CCDC13: variants seen among roughly 807,000 people sequenced by gnomAD.
The protein encoded by CCDC13 is coiled-coil domain containing 13, also known as coiled-coil domain-containing protein 13.
Under a neutral mutation model 87.3 loss-of-function variants are expected in CCDC13, and 70 were observed. That is an observed-to-expected ratio of 0.80 (90% CI 0.66 to 0.98). The LOEUF (loss-of-function observed/expected upper bound fraction) is 0.98, where lower values mean the gene tolerates loss of function less well. CCDC13 is among the 50% of genes least tolerant of loss of function. CCDC13 has a pLI of 0.00. For missense variants in CCDC13, 842 were observed against 892.0 expected, an observed-to-expected ratio of 0.94 and a Z score of 0.71; for synonymous variants, 317 against 360.3, an observed-to-expected ratio of 0.88 and a Z score of 1.36.
intron 1 of CCDC13, among the ~76,000 whole-genome samples, chr3:42,770,417 G>A (rs1352148585): frequency 6.6e-6 from 1 of 152,176 alleles, no homozygotes; most frequent in Non-Finnish European, 1.5e-5. Flanking sequence ...TTGATCTAGT[G>A]GGGAAGTGGA....
In CCDC13 at chr3:42,758,135, A is replaced by T. The variant is rs1244913492; in HGVS notation, c.211T>A (p.Phe71Ile). ...CAAACTTGCATTTACCTCTTCTCAA[A>T]GCTATTTTTCGAGTTTGGCTCCCCT... ...HAGEPNSKNS[F>I]EKRVLEDEIE... Residue 71 changes from phenylalanine to isoleucine, a missense_variant, in exon 2 of 16, where the codon TTT (phenylalanine) becomes ATT (isoleucine). Transcript: ENST00000310232. 1.6e-5 allele frequency: 26 copies of T among 1,613,568 alleles called. No individual in the cohort carries two copies. The highest frequency in any genetic ancestry group is 4.0e-5 in the African/African-American group (3 of 74,834).
intron 1 of CCDC13, among the ~76,000 whole-genome samples, chr3:42,761,770 T>C (rs1187973096): frequency 6.6e-6 from 1 of 152,182 alleles, no homozygotes; most frequent in Admixed American, 6.5e-5. Flanking sequence ...TAGCCTGTTT[T>C]CCCTTTCATA....
chr3:42,717,450 G>A (rs1343088222), intron 13 of CCDC13, among the ~76,000 whole-genome samples: 1 of 149,792 alleles, frequency 6.7e-6, no homozygotes, highest in East Asian at 1.9e-4. Context: ...AAGTAAAGAG[G>A]TTACTAGATG....
chr3:42,747,299 G>T lies in CCDC13; in HGVS notation c.678C>A (p.Asn226Lys). Residue 226 changes from asparagine (N) to lysine (K), a missense_variant, in exon 6 of 16, where the codon AAC (asparagine) becomes AAA (lysine). By Grantham distance (94) the Asn-to-Lys change is moderately conservative. Transcript: ENST00000310232. ...GCTCCTGCTTCACAGACTGGATCTG[G>T]TTTCGGAGGTCACTCATCTTCAAGT... ...ATNLKMSDLR[N>K]QIQSVKQELR... 1 of 1,614,136 alleles carries T rather than the reference G, an allele frequency of 6.2e-7. No homozygotes were observed. Among genetic ancestry groups the T allele is most frequent in the Non-Finnish European group, 8.5e-7 (1 of 1,180,020 alleles).
chr3:42,768,940 C>A (rs1185537646), intron 1 of CCDC13, among the ~76,000 whole-genome samples: 1 of 152,068 alleles, frequency 6.6e-6, no homozygotes, highest in African/African-American at 2.4e-5. Context: ...GAGTTCCAGA[C>A]CAGTCTGGCC....
chr3:42,736,098 G>C (rs771765840), intron 9 of CCDC13, among the ~76,000 whole-genome samples, 185 bp from the exon 10 acceptor site: 9 of 152,244 alleles, frequency 5.9e-5, no homozygotes, highest in Non-Finnish European at 1.0e-4. Flanking sequence ...AGGCAGGTGG[G>C]GACCATGTTC....
At chr3:42,748,779 G>A (rs927668753) in intron 5 of CCDC13, among the ~76,000 whole-genome samples, 3 of 152,268 alleles carry the variant, frequency 2.0e-5, no homozygotes, top group Middle Eastern at 3.4e-3. Flanking sequence ...AACAGCCAAC[G>A]TGAACAGAAT....
chr3:42,756,183 T>G (rs2125908135), intron 3 of CCDC13, among the ~76,000 whole-genome samples: 1 of 152,368 alleles, frequency 6.6e-6, no homozygotes, highest in East Asian at 1.9e-4. Flanking sequence ...GAGTCAGCCC[T>G]GTTGCTCTCC....
intron 5 of CCDC13, 100 bp downstream of exon 5, chr3:42,751,836 G>C (rs1287280541): frequency 1.9e-6 from 2 of 1,054,398 alleles, no homozygotes; most frequent in Non-Finnish European, 1.4e-6. Context: ...TGGGGGTTGG[G>C]GGTGGACCTC....
At chr3:42,744,856 T>C (rs1163582162) in intron 7 of CCDC13, 1 of 121,132 alleles carries the variant, frequency 8.3e-6, no homozygotes, top group Non-Finnish European at 1.8e-5. Context: ...TTAATGACAA[T>C]AAGAAGTAAG....
At chr3:42,732,807 C>T in intron 12 of CCDC13, 80 bp downstream of exon 12, 1 of 1,300,972 alleles carries the variant, frequency 7.7e-7, no homozygotes, top group Non-Finnish European at 1.1e-6. Flanking sequence ...GTTTCCCCTC[C>T]TTTTAATGGG....
chr3:42,748,414 C>T (rs1005987353), intron 5 of CCDC13, among the ~76,000 whole-genome samples: 4 of 152,356 alleles, frequency 2.6e-5, no homozygotes, highest in Non-Finnish European at 5.9e-5. Flanking sequence ...TCAGGCTGAG[C>T]ATCCCATCAG....
At chr3:42,720,128 A>G (rs114409604) in intron 13 of CCDC13, among the ~76,000 whole-genome samples, 2,572 of 152,304 alleles carry the variant, frequency 0.017, 87 homozygotes, top group African/African-American at 0.058. Context: ...ATTCTACATA[A>G]GGCCTGGGGA....
Position 42,758,210 on chromosome 3 carries a change from C to T in CCDC13, c.136G>A (p.Asp46Asn), listed in dbSNP as rs369416304. ...KELSLKSRAD[D>N]QEEPLEVSDG... Reference sequence around the variant, plus strand: ...GAAACCTCCAAGGGCTCCTCTTGGTCGTCAGCTCTGCTTTTGAGGCTCAGT... The same window carrying T: ...GAAACCTCCAAGGGCTCCTCTTGGTTGTCAGCTCTGCTTTTGAGGCTCAGT... Residue 46 changes from aspartate to asparagine, a missense_variant, in exon 2 of 16, where the codon GAC becomes AAC. Asp to Asn is a conservative substitution (Grantham distance 23). Coordinates refer to ENST00000310232, the MANE Select transcript of CCDC13 (RefSeq NM_144719.4). The T allele has an allele frequency of 5.1e-5, 83 of 1,613,974 alleles. No homozygotes were observed. In the Admixed American group the frequency reaches 5.3e-4, roughly 10 times the overall value.
chr3:42,744,122 T>G (rs1324342203), intron 7 of CCDC13, among the ~76,000 whole-genome samples: 1 of 152,164 alleles, frequency 6.6e-6, no homozygotes, highest in East Asian at 1.9e-4. Flanking sequence ...ACATGGAATC[T>G]GCATTTTAAA....
At chr3:42,710,891 T>C (rs1472489212) in intron 14 of CCDC13, among the ~76,000 whole-genome samples, 1 of 152,022 alleles carries the variant, frequency 6.6e-6, no homozygotes, top group East Asian at 1.9e-4. Context: ...AGAGCTGCCC[T>C]GGATGGGAAA....
At chr3:42,734,563 G>A (rs1178670868) in intron 10 of CCDC13, among the ~76,000 whole-genome samples, 2 of 152,208 alleles carry the variant, frequency 1.3e-5, no homozygotes, top group Non-Finnish European at 2.9e-5. Flanking sequence ...TGGCCTGTGG[G>A]AATAGAGGCT....
chr3:42,711,239 C>G (rs1488119329), intron 14 of CCDC13, among the ~76,000 whole-genome samples: 5 of 112,036 alleles, frequency 4.5e-5, no homozygotes, highest in Admixed American at 9.7e-5. Context: ...GAGTGAGACT[C>G]TGTCTCCAAA....
In CCDC13 at chr3:42,733,587, C is replaced by A. The variant is rs1698902011; in HGVS notation, c.1394G>T (p.Gly465Val). 1 of 1,611,212 alleles carries A rather than the reference C, an allele frequency of 6.2e-7. No individual in the cohort carries two copies. Among genetic ancestry groups the A allele is most frequent in the Non-Finnish European group, 8.5e-7 (1 of 1,178,698 alleles). ...NVHYLRNKGV[G>V]EGSSGREVSP... ...GACCTCGCGGCCACTGGACCCCTCA[C>A]CCACTCCTTTATTCCGAAGATACTG... is the stretch of plus-strand genomic sequence containing the variant. Residue 465 changes from glycine to valine, a missense_variant, in exon 11 of 16, where the codon GGT becomes GTT. Gly to Val is a moderately radical substitution (Grantham distance 109). Coordinates refer to ENST00000310232, the MANE Select transcript of CCDC13 (RefSeq NM_144719.4).
Sources: allele counts gnomAD v4.1 joint callset (sites outside exome capture counted in the v4.1 genomes callset), GRCh38; gene constraint gnomAD v4.1.1; transcripts MANE v1.5; gene names NCBI Gene and HGNC (gene_info 2026-07-23, HGNC 2026-07-21).